CCND3: variants seen among roughly 807,000 people sequenced by gnomAD.
CCND3 encodes the protein G1/S-specific cyclin-D3.
A neutral mutation model predicts 28.7 loss-of-function variants in CCND3; 9 were observed. The observed-to-expected ratio is 0.31, with a 90% CI of 0.19 to 0.55. The LOEUF (loss-of-function observed/expected upper bound fraction) is 0.55. Among genes scored for constraint, CCND3 ranks in the 20% least tolerant of loss-of-function variants. The probability of loss-of-function intolerance (pLI) is 0.93; values close to 1 mark genes in which losing one functional copy is unlikely to be tolerated. For missense variants in CCND3, 315 were observed against 385.8 expected (o/e 0.82, Z 1.54); for synonymous variants, 164 against 163.9 (o/e 1.00, Z 0.00).
chr6:41,948,611 G>A (rs1262988499), intron 1 of CCND3, among the ~76,000 whole-genome samples: 1 of 152,038 alleles, frequency 6.6e-6, no homozygotes, highest in Non-Finnish European at 1.5e-5. Flanking sequence ...GGCCGAGGCA[G>A]GCAGATCACT....
rs1339930075 is a variant in CCND3 at position 41,941,801 on chromosome 6, T to C, written c.-152A>G. On this transcript the variant is annotated 5_prime_UTR_variant, in exon 1 of 5. Transcript: ENST00000372991. The surrounding 1 kb of genome is among the most constrained non-coding windows in gnomAD (Gnocchi z 6.1). The stretch of plus-strand genomic sequence containing the variant: ...CCGCCGCCCGCGCGCGCGCGCCGCT[T>C]CCCTGACAGGCGCCCCGCCCCTCGC... 3 of 335,204 alleles carry C rather than the reference T, an allele frequency of 8.9e-6. No individual in the cohort carries two copies. The highest frequency in any genetic ancestry group is 1.5e-5 in the Non-Finnish European group (3 of 193,796). The allele number at this position is 335,204 out of a possible 1,614,324, so 20.8% of individuals were successfully genotyped here. A position where few individuals can be genotyped will look rare whatever the true frequency, so the allele number is the denominator to read the frequency against.
chr6:42,002,661 G>T (rs1393238006), intron 1 of CCND3, among the ~76,000 whole-genome samples: 1 of 151,052 alleles, frequency 6.6e-6, no homozygotes. Flanking sequence ...GACCATCCTG[G>T]CTAACGTGGT....
At chr6:41,944,853 C>T (rs9462756), upstream of CCND3, among the ~76,000 whole-genome samples, 1,045 of 152,254 alleles carry the variant, frequency 6.9e-3, 13 homozygotes, top group African/African-American at 0.022. Flanking sequence ...TTCTGCCTCA[C>T]CCCTGGATGG....
Position 41,941,358 on chromosome 6 carries a change from C to T in CCND3, c.198+94G>A. ...GGAGTCTTAGCCTCGGAGCATCCTG[C>T]AGATTGCTGTGGGGACCGGGATGTC... On this transcript the variant is annotated intron_variant, in intron 1 of 4. Transcript: ENST00000372991. The surrounding 1 kb of genome is among the most constrained non-coding windows in gnomAD (Gnocchi z 6.1). The T allele has an allele frequency of 1.3e-6, 2 of 1,543,332 alleles. No individual in the cohort carries two copies. The highest frequency in any genetic ancestry group is 1.2e-5 in the South Asian group (1 of 82,948).
At chr6:42,044,146 C>T (rs983486725) in intron 1 of CCND3, among the ~76,000 whole-genome samples, 8 of 152,244 alleles carry the variant, frequency 5.3e-5, no homozygotes, top group African/African-American at 1.9e-4. Context: ...AATCCCTGAC[C>T]TGGGGACGGG....
chr6:41,987,409 T>C (rs1762508667), intron 1 of CCND3, among the ~76,000 whole-genome samples: 1 of 151,830 alleles, frequency 6.6e-6, no homozygotes, highest in African/African-American at 2.4e-5. Flanking sequence ...GTACTTCTGC[T>C]TAACTTTAGA....
At chr6:41,970,235 AG>A (rs1157910220) in intron 1 of CCND3, among the ~76,000 whole-genome samples, 1 of 152,118 alleles carries the variant, frequency 6.6e-6, no homozygotes, top group Admixed American at 6.6e-5. Context: ...GCTGCTTGGG[AG>A]GCTGAGGCAG....
chr6:42,034,549 C>G (rs1270071999), intron 1 of CCND3, among the ~76,000 whole-genome samples: 1 of 130,040 alleles, frequency 7.7e-6, no homozygotes, highest in Non-Finnish European at 1.5e-5. Flanking sequence ...GCGATCTCGG[C>G]TCACTGCAAC....
intron 1 of CCND3, among the ~76,000 whole-genome samples, chr6:41,987,314 C>T (rs1422883241): frequency 1.3e-5 from 2 of 151,920 alleles, no homozygotes; most frequent in Non-Finnish European, 2.9e-5. Flanking sequence ...GGAAGGACCC[C>T]GATATTGCTT....
chr6:41,996,819 C>G (rs952930398), intron 1 of CCND3, among the ~76,000 whole-genome samples: 1 of 152,084 alleles, frequency 6.6e-6, no homozygotes, highest in Admixed American at 6.6e-5. Context: ...TGTGCGCCAC[C>G]ATGTCCAGCT....
In CCND3 at chr6:41,940,421, G is replaced by A. The variant is rs765106114; in HGVS notation, c.363C>T (p.Ile121=). The change falls in exon 2 of 5, where the codon ATC becomes ATT. Residue 121 remains isoleucine, a synonymous_variant. Coordinates refer to ENST00000372991, the MANE Select transcript of CCND3 (RefSeq NM_001760.5). ...SKLRETTPLT[I]EKLCIYTDHA... Reference sequence around the variant, plus strand: ...GGTCGGTGTAGATGCACAGTTTTTCGATGGTCAGGGGCGTGGTCTCGCGCA... The same window carrying A: ...GGTCGGTGTAGATGCACAGTTTTTCAATGGTCAGGGGCGTGGTCTCGCGCA... The A allele has an allele frequency of 6.2e-7, 1 of 1,613,906 alleles. No individual in the cohort carries two copies. The highest frequency in any genetic ancestry group is 2.2e-5 in the East Asian group (1 of 44,864).
At chr6:41,966,353 G>A (rs185058004) in intron 1 of CCND3, among the ~76,000 whole-genome samples, 17 of 152,110 alleles carry the variant, frequency 1.1e-4, no homozygotes, top group African/African-American at 3.4e-4. Flanking sequence ...CCAGGAGGTC[G>A]AGGCTGCAAT....
At chr6:41,946,709 A>G (rs1776180873), upstream of CCND3, among the ~76,000 whole-genome samples, 1 of 151,272 alleles carries the variant, frequency 6.6e-6, no homozygotes, top group South Asian at 2.1e-4. Flanking sequence ...CCAGGTCACT[A>G]TTATGAGCAT....
intron 1 of CCND3, among the ~76,000 whole-genome samples, chr6:42,014,452 G>A (rs1466107766): frequency 6.6e-6 from 1 of 152,156 alleles, no homozygotes; most frequent in Non-Finnish European, 1.5e-5. Flanking sequence ...AACTCCCTTA[G>A]TGTATAGTCT....
intron 1 of CCND3, among the ~76,000 whole-genome samples, chr6:41,949,530 G>A (rs958868384): frequency 2.6e-5 from 4 of 152,040 alleles, no homozygotes; most frequent in Admixed American, 1.3e-4. Flanking sequence ...TCCGCCAGGC[G>A]CAGTGGCTCA....
In CCND3 at chr6:41,938,456, G is replaced by A. The variant is rs950786845; in HGVS notation, c.415-1062C>T. ...CCCAGAGAAAATAGCCTGGCCTGGA[G>A]CCAGAAGTGAGACAGATAAATTACA... On this transcript the variant is annotated intron_variant, in intron 2 of 4. Coordinates refer to ENST00000372991, the MANE Select transcript of CCND3 (RefSeq NM_001760.5). The surrounding 1 kb of genome is among the most constrained non-coding windows in gnomAD (Gnocchi z 4.6). Among the ~76,000 whole-genome samples, 6 of 152,176 alleles carry A rather than the reference G, an allele frequency of 3.9e-5. No individual in the cohort carries two copies. Among genetic ancestry groups the A allele is most frequent in the African/African-American group, 1.4e-4 (6 of 41,426 alleles).
intron 1 of CCND3, among the ~76,000 whole-genome samples, chr6:41,985,007 C>T (rs540384127): frequency 6.6e-6 from 1 of 152,182 alleles, no homozygotes; most frequent in East Asian, 1.9e-4. Flanking sequence ...TATTTGTTTT[C>T]TTGCTATTGA....
intron 1 of CCND3, among the ~76,000 whole-genome samples, chr6:41,948,476 T>C (rs115996323): frequency 0.027 from 4,153 of 152,118 alleles, 187 homozygotes; most frequent in African/African-American, 0.091. Flanking sequence ...GCTGGGACTA[T>C]AGGCGTGCAC....
chr6:42,042,418 T>C (rs1764398780), intron 1 of CCND3, among the ~76,000 whole-genome samples: 1 of 150,908 alleles, frequency 6.6e-6, no homozygotes, highest in Non-Finnish European at 1.5e-5. Context: ...TGGAGTGCAA[T>C]GGCGCGATCT....
Sources: allele counts gnomAD v4.1 joint callset (sites outside exome capture counted in the v4.1 genomes callset), GRCh38; gene constraint gnomAD v4.1.1; non-coding constraint Gnocchi (gnomAD v3.1); transcripts MANE v1.5; gene names NCBI Gene and HGNC (gene_info 2026-07-23, HGNC 2026-07-21).